Variants in RGS6 observed in about 807,000 individuals in gnomAD.
The protein encoded by RGS6 is regulator of G protein signaling 6, also known as regulator of G-protein signaling 6.
In RGS6, 30 loss-of-function variants were observed where a neutral mutation model predicts 78.5. That is an observed-to-expected ratio of 0.38 (90% CI 0.29 to 0.52). The LOEUF is 0.52. Ranked by LOEUF, RGS6 falls within the 20% of genes least tolerant of loss-of-function variation. The pLI is 0.85. For missense variants in RGS6, 495 were observed against 609.7 expected (o/e 0.81, Z 1.98); for synonymous variants, 206 against 206.0 (o/e 1.00, Z 0.00).
intron 2 of RGS6, among the ~76,000 whole-genome samples, chr14:72,057,005 A>G (rs548505809): frequency 6.6e-6 from 1 of 152,228 alleles, no homozygotes; most frequent in South Asian, 2.1e-4. Context: ...TTTTGTATGT[A>G]GAGACAGTCC....
the RGS6 span, among the ~76,000 whole-genome samples, chr14:72,589,781 T>C: frequency 6.6e-6 from 1 of 152,214 alleles, no homozygotes; most frequent in Non-Finnish European, 1.5e-5. Flanking sequence ...TACATCTATA[T>C]GCTATAATGT....
chr14:71,981,514 C>A (rs183649478), intron 2 of RGS6, among the ~76,000 whole-genome samples: 11,104 of 151,332 alleles, frequency 0.073, 404 homozygotes, highest in East Asian at 0.2. Flanking sequence ...TTGGAATACC[C>A]GGCCGTGTGA....
chr14:72,218,113 C>A (rs1435114944), intron 2 of RGS6, among the ~76,000 whole-genome samples: 5 of 152,110 alleles, frequency 3.3e-5, no homozygotes, highest in Non-Finnish European at 7.4e-5. Flanking sequence ...CATAGGTGAA[C>A]ATTCAGGTTG....
the RGS6 span, among the ~76,000 whole-genome samples, chr14:71,916,344 C>A: frequency 6.6e-6 from 1 of 152,188 alleles, no homozygotes; most frequent in Non-Finnish European, 1.5e-5. Context: ...TTTTCACTAG[C>A]AGCAATCTAA....
chr14:72,316,210 C>T (rs531802266), intron 2 of RGS6, among the ~76,000 whole-genome samples: 77 of 152,086 alleles, frequency 5.1e-4, no homozygotes, highest in African/African-American at 7.0e-4. Flanking sequence ...AGTTGCTTGA[C>T]GATATTCTCT....
intron 2 of RGS6, among the ~76,000 whole-genome samples, chr14:72,232,912 T>A (rs898231950): frequency 2.6e-5 from 4 of 152,152 alleles, no homozygotes; most frequent in African/African-American, 9.7e-5. Flanking sequence ...GCATGCAGCC[T>A]GTACGCTTCC....
At chr14:71,989,512 T>C (rs1428150171) in intron 2 of RGS6, among the ~76,000 whole-genome samples, 4 of 152,262 alleles carry the variant, frequency 2.6e-5, no homozygotes, top group Admixed American at 2.6e-4. Flanking sequence ...GTAAAAGGCC[T>C]GTGAAAAACA....
intron 2 of RGS6, among the ~76,000 whole-genome samples, chr14:72,118,307 T>C (rs1042891497): frequency 2.0e-5 from 3 of 152,156 alleles, no homozygotes; most frequent in African/African-American, 4.8e-5. Context: ...TCTTTTCCCT[T>C]GGATCAGAAA....
intron 2 of RGS6, among the ~76,000 whole-genome samples, chr14:72,149,550 T>C (rs2096654670): frequency 6.6e-6 from 1 of 152,158 alleles, no homozygotes; most frequent in Non-Finnish European, 1.5e-5. Flanking sequence ...GTGTGAAATA[T>C]AGGTTAAAGG....
the RGS6 span, among the ~76,000 whole-genome samples, chr14:72,593,956 G>C: frequency 3.5e-5 from 5 of 142,190 alleles, no homozygotes; most frequent in East Asian, 2.4e-4. Context: ...TCAGAGGGGT[G>C]GGGGGGTGGG....
At chr14:72,397,167 G>A (rs1483597364) in intron 3 of RGS6, among the ~76,000 whole-genome samples, 3 of 152,158 alleles carry the variant, frequency 2.0e-5, no homozygotes, top group African/African-American at 7.2e-5. Flanking sequence ...TCACGATATC[G>A]ATTCTTCCTA....
chr14:72,216,305 A>G (rs1262000451), intron 2 of RGS6, among the ~76,000 whole-genome samples: 2 of 152,176 alleles, frequency 1.3e-5, no homozygotes, highest in African/African-American at 2.4e-5. Context: ...GTTGTAAAGT[A>G]TTTTAGCTAT....
chr14:72,203,038 C>A (rs538667447), intron 2 of RGS6, among the ~76,000 whole-genome samples: 1 of 152,110 alleles, frequency 6.6e-6, no homozygotes, highest in African/African-American at 2.4e-5. Flanking sequence ...CCACACCCGG[C>A]TAATTTTTTG....
At chr14:72,213,597 C>T (rs6574050) in intron 2 of RGS6, among the ~76,000 whole-genome samples, 4,200 of 152,260 alleles carry the variant, frequency 0.028, 176 homozygotes, top group African/African-American at 0.095. Context: ...CTGGGAACAA[C>T]CCCTCCTTAA....
intron 12 of RGS6, among the ~76,000 whole-genome samples, chr14:72,478,583 A>T (rs1000802878): frequency 6.6e-6 from 1 of 152,214 alleles, no homozygotes; most frequent in Admixed American, 6.5e-5. Flanking sequence ...ATCAAGGAAG[A>T]ATGTCCTTTA....
the RGS6 span, among the ~76,000 whole-genome samples, chr14:71,905,877 C>G: frequency 6.6e-6 from 1 of 152,178 alleles, no homozygotes; most frequent in Non-Finnish European, 1.5e-5. Flanking sequence ...TGTGTGGCAG[C>G]ACCACATCTG....
intron 1 of RGS6, among the ~76,000 whole-genome samples, chr14:71,949,292 A>G (rs1439258500): frequency 1.3e-5 from 2 of 152,138 alleles, no homozygotes; most frequent in African/African-American, 4.8e-5. Flanking sequence ...TCATCAGTTC[A>G]TGAGTGTTTC....
chr14:72,138,993 T>G, intron 2 of RGS6, among the ~76,000 whole-genome samples: 1 of 152,064 alleles, frequency 6.6e-6, no homozygotes, highest in South Asian at 2.1e-4. Context: ...ACCCACCCAG[T>G]CCATGGAAAA....
At chr14:71,875,924 T>G in the RGS6 span, among the ~76,000 whole-genome samples, 5 of 152,250 alleles carry the variant, frequency 3.3e-5, no homozygotes, top group South Asian at 2.1e-4. Context: ...TTCAGGAGCA[T>G]GTTGTTCAGT....
Sources: gnomAD v4.1 joint callset for allele counts (sites outside exome capture counted in the v4.1 genomes callset) on GRCh38, gnomAD v4.1.1 for gene constraint, MANE v1.5 for transcripts, NCBI Gene and HGNC (gene_info 2026-07-23, HGNC 2026-07-21) for gene names.